Variants in SLAMF1 observed in about 807,000 individuals in gnomAD.
SLAMF1 encodes signaling lymphocytic activation molecule family member 1.
In SLAMF1, 18 loss-of-function variants were observed where a neutral mutation model predicts 35.1. That is an observed-to-expected ratio of 0.51 (90% CI 0.35 to 0.76). The LOEUF (loss-of-function observed/expected upper bound fraction) is 0.76, where lower values mean the gene tolerates loss of function less well. Ranked by LOEUF, SLAMF1 falls within the 30% of genes least tolerant of loss-of-function variation. SLAMF1 has a pLI of 0.01. For synonymous variants in SLAMF1, 168 were observed against 157.2 expected (o/e 1.07, Z -0.51); for missense variants, 392 against 413.0 (o/e 0.95, Z 0.44).
intron 1 of SLAMF1, among the ~76,000 whole-genome samples, chr1:160,638,163 A>G (rs1660553654): frequency 6.6e-6 from 1 of 152,144 alleles, no homozygotes; most frequent in Non-Finnish European, 1.5e-5. Flanking sequence ...GTTAAAAAAA[A>G]AAATACCAAG....
At chr1:160,620,975 C>T (rs164283) in intron 4 of SLAMF1, among the ~76,000 whole-genome samples, 77,919 of 152,080 alleles carry the variant, frequency 0.51, 21,880 homozygotes, top group East Asian at 0.87. Context: ...AGACTTTTTT[C>T]CACACAAGAG....
chr1:160,639,355 A>T (rs1320111112), intron 1 of SLAMF1, among the ~76,000 whole-genome samples: 1 of 152,030 alleles, frequency 6.6e-6, no homozygotes, highest in Non-Finnish European at 1.5e-5. Flanking sequence ...TCTCCTGGGT[A>T]GCTGGGATTA....
chr1:160,634,471 C>G (rs1660320897), intron 3 of SLAMF1, 142 bp downstream of exon 3: 8 of 1,398,694 alleles, frequency 5.7e-6, no homozygotes, highest in Middle Eastern at 2.6e-4. Flanking sequence ...ACTAAATGCA[C>G]ATGGTAAACT....
intron 1 of SLAMF1, among the ~76,000 whole-genome samples, chr1:160,640,766 G>C (rs1224604091): frequency 1.3e-5 from 2 of 152,186 alleles, no homozygotes; most frequent in Non-Finnish European, 2.9e-5. Flanking sequence ...TAGAGTGATT[G>C]AAATTCTTAA....
In SLAMF1 at chr1:160,640,377, T is replaced by TAC. The variant is rs1407207418; in HGVS notation, c.77-2849_77-2848insGT. Among the ~76,000 whole-genome samples, 220 of 132,352 alleles carry TAC rather than the reference T, an allele frequency of 1.7e-3. 2 individuals are homozygous for TAC. The highest frequency in any genetic ancestry group is 6.0e-3 in the African/African-American group (208 of 34,698). The allele number at this position is 132,352 out of a possible 152,430, so 86.8% of individuals were successfully genotyped here. On this transcript the variant is annotated intron_variant, in intron 1 of 6. Coordinates refer to ENST00000302035, the MANE Select transcript of SLAMF1 (RefSeq NM_003037.5). ...ATATATATACACACACACACACACA[T>TAC]ATATATATATACACACACACATACA...
intron 1 of SLAMF1, among the ~76,000 whole-genome samples, chr1:160,645,133 G>A (rs1469080262): frequency 2.0e-5 from 3 of 152,144 alleles, no homozygotes; most frequent in African/African-American, 7.2e-5. Flanking sequence ...CTTGGGGAAG[G>A]GACATGTGGA....
chr1:160,613,248 T>G (rs1659095618), intron 5 of SLAMF1, among the ~76,000 whole-genome samples: 1 of 152,218 alleles, frequency 6.6e-6, no homozygotes, highest in African/African-American at 2.4e-5. Context: ...CTTAAATTCC[T>G]CAGGTATTTA....
chr1:160,635,350 C>A (rs979203802), intron 2 of SLAMF1, among the ~76,000 whole-genome samples: 2 of 151,606 alleles, frequency 1.3e-5, no homozygotes, highest in Non-Finnish European at 2.9e-5. Context: ...TGTGTGCGTG[C>A]GCGCGCGCGC....
chr1:160,629,091 C>T (rs761423107), intron 3 of SLAMF1, among the ~76,000 whole-genome samples: 3 of 152,150 alleles, frequency 2.0e-5, no homozygotes, highest in Non-Finnish European at 4.4e-5. Context: ...CCCCTACTCC[C>T]GAGGCTCTTA....
intron 4 of SLAMF1, 84 bp downstream of exon 4, chr1:160,624,012 G>A (rs1659749069): frequency 1.1e-5 from 10 of 944,128 alleles, no homozygotes; most frequent in Non-Finnish European, 1.6e-5. Context: ...CCAGAGTTGT[G>A]AGAGCAAGTC....
chr1:160,614,617 C>T (rs1330942834), intron 5 of SLAMF1, among the ~76,000 whole-genome samples: 1 of 150,984 alleles, frequency 6.6e-6, no homozygotes, highest in Non-Finnish European at 1.5e-5. Flanking sequence ...TCAACAGATG[C>T]AACCTCTGCT....
rs1570984855 is a variant in SLAMF1, at chr1:160,625,839, G to A, written c.701-1654C>T. 3.0e-5 allele frequency among the ~76,000 whole-genome samples: 4 copies of A among 134,192 alleles called. No homozygotes were observed. In the South Asian group the frequency reaches 8.7e-4, roughly 29 times the overall value. The allele number at this position is 134,192 out of a possible 152,430, so 88.0% of individuals were successfully genotyped here. A position where few individuals can be genotyped will look rare whatever the true frequency, so the allele number is the denominator to read the frequency against. On this transcript the variant is annotated intron_variant, in intron 3 of 6. Transcript: ENST00000302035. ...TCTGTGCAGGAGTGTGTGTGTGTGT[G>A]TGTGTGTGTGTGTGTATGTGTGTAT...
chr1:160,644,993 A>G (rs1660958883), intron 1 of SLAMF1, among the ~76,000 whole-genome samples: 1 of 152,210 alleles, frequency 6.6e-6, no homozygotes, highest in Non-Finnish European at 1.5e-5. Flanking sequence ...GAGGCTATGT[A>G]TGTATGGGGC....
chr1:160,622,592 A>G (rs1659673600), intron 4 of SLAMF1, among the ~76,000 whole-genome samples: 2 of 152,134 alleles, frequency 1.3e-5, no homozygotes, highest in Admixed American at 6.5e-5. Flanking sequence ...CTATGTATCT[A>G]TCTATCTATC....
At chr1:160,616,961 C>A (rs984690207) in intron 5 of SLAMF1, among the ~76,000 whole-genome samples, 7 of 152,012 alleles carry the variant, frequency 4.6e-5, no homozygotes, top group African/African-American at 1.7e-4. Flanking sequence ...TTCGAGACCA[C>A]CCTGGCCAAC....
intron 4 of SLAMF1, among the ~76,000 whole-genome samples, chr1:160,622,866 T>G (rs528892733): frequency 6.6e-6 from 1 of 152,356 alleles, no homozygotes; most frequent in African/African-American, 2.4e-5. Flanking sequence ...TCAGGCTGCA[T>G]TCTGATGATT....
chr1:160,638,720 C>T (rs943371541), intron 1 of SLAMF1, among the ~76,000 whole-genome samples: 1 of 152,230 alleles, frequency 6.6e-6, no homozygotes, highest in Non-Finnish European at 1.5e-5. Context: ...GTCAAGGTCA[C>T]TGTCTACTCC....
intron 3 of SLAMF1, among the ~76,000 whole-genome samples, chr1:160,626,322 T>C (rs1659877638): frequency 6.6e-6 from 1 of 152,160 alleles, no homozygotes; most frequent in African/African-American, 2.4e-5. Context: ...TAACGATGAC[T>C]GGGTGCAGCA....
intron 4 of SLAMF1, among the ~76,000 whole-genome samples, chr1:160,623,780 T>G (rs1659736080): frequency 6.6e-6 from 1 of 152,190 alleles, no homozygotes; most frequent in African/African-American, 2.4e-5. Flanking sequence ...CTTAAACCTC[T>G]TGTTCACTTC....
Sources: gnomAD v4.1 joint callset for allele counts (sites outside exome capture counted in the v4.1 genomes callset) on GRCh38, gnomAD v4.1.1 for gene constraint, MANE v1.5 for transcripts, NCBI Gene and HGNC (gene_info 2026-07-23, HGNC 2026-07-21) for gene names.